Variants in CFH observed in about 807,000 individuals in gnomAD.
CFH encodes the protein H factor 1 (complement).
A neutral mutation model predicts 147.3 loss-of-function variants in CFH; 53 were observed. The observed-to-expected ratio is 0.36, with a 90% CI of 0.29 to 0.45. CFH has a LOEUF of 0.45. Ranked by LOEUF, CFH falls within the 20% of genes least tolerant of loss-of-function variation. The pLI is 1.00. For synonymous variants in CFH, 536 were observed against 489.4 expected (o/e 1.10, Z -1.26); for missense variants, 1,380 against 1,498.0 (o/e 0.92, Z 1.30).
chr1:196,693,995 A>G (rs1017070977), intron 9 of CFH, among the ~76,000 whole-genome samples: 23 of 97,540 alleles, frequency 2.4e-4, no homozygotes, highest in African/African-American at 1.1e-3. Flanking sequence ...TGTGTGTTTT[A>G]TTATTATTAT....
rs35759609 is a variant in CFH, at chr1:196,717,113, A to G, written c.1696+1344A>G. 3.9e-3 allele frequency among the ~76,000 whole-genome samples: 601 copies of G among 152,168 alleles called. 3 individuals are homozygous for G. The highest frequency in any genetic ancestry group is 0.014 in the African/African-American group (582 of 41,534). On this transcript the variant is annotated intron_variant, in intron 11 of 21. Coordinates refer to ENST00000367429, the MANE Select transcript of CFH (RefSeq NM_000186.4). ...AGAGAAACAGGAGAAAAAATCTAGA[A>G]TGTTGCCATAGACATAAAAATAAGG...
At chr1:196,714,664 TATATAG>T (rs1668816138) in intron 10 of CFH, among the ~76,000 whole-genome samples, 12 of 31,798 alleles carry the variant, frequency 3.8e-4, no homozygotes, top group African/African-American at 1.4e-3. Context: ...TATATATATA[TATATAG>T]AGAGAGAGAG....
chr1:196,652,755 T>C (rs16840379), intron 1 of CFH, among the ~76,000 whole-genome samples: 7,031 of 151,892 alleles, frequency 0.046, 459 homozygotes, highest in African/African-American at 0.14. Context: ...AGTTAAGTTG[T>C]TCAATAGAGA....
intron 11 of CFH, among the ~76,000 whole-genome samples, chr1:196,719,193 C>G (rs1173076528): frequency 6.6e-6 from 1 of 151,930 alleles, no homozygotes; most frequent in Non-Finnish European, 1.5e-5. Context: ...ACATTCTTCT[C>G]TAAATCACGT....
chr1:196,695,751 T>A (rs1668240422), intron 9 of CFH, among the ~76,000 whole-genome samples: 1 of 152,156 alleles, frequency 6.6e-6, no homozygotes, highest in South Asian at 2.1e-4. Flanking sequence ...TCTACGTATT[T>A]TATTTTCTTT....
At chr1:196,710,604 A>G (rs1369206350) in intron 9 of CFH, among the ~76,000 whole-genome samples, 2 of 152,026 alleles carry the variant, frequency 1.3e-5, no homozygotes, top group Non-Finnish European at 2.9e-5. Context: ...ACCTTTCCAT[A>G]TGACTTTAGA....
chr1:196,737,182 T>C (rs1162651639), intron 16 of CFH, among the ~76,000 whole-genome samples, 176 bp downstream of exon 16: 1 of 152,124 alleles, frequency 6.6e-6, no homozygotes, highest in Non-Finnish European at 1.5e-5. Context: ...TTGAACAAAA[T>C]ACAGCCAAAA....
chr1:196,736,190 A>G (rs1468201653), intron 15 of CFH, among the ~76,000 whole-genome samples: 1 of 152,122 alleles, frequency 6.6e-6, no homozygotes, highest in Non-Finnish European at 1.5e-5. Context: ...GCAATGCATT[A>G]AACTGGGTGC....
At chr1:196,675,489 A>G (rs931755414) in intron 3 of CFH, among the ~76,000 whole-genome samples, 3 of 152,128 alleles carry the variant, frequency 2.0e-5, no homozygotes, top group Non-Finnish European at 2.9e-5. Context: ...ATCATGGAGG[A>G]CAGAAATACG....
intron 6 of CFH, among the ~76,000 whole-genome samples, chr1:196,681,034 G>A (rs561708694): frequency 2.0e-5 from 3 of 151,910 alleles, no homozygotes; most frequent in South Asian, 2.1e-4. Flanking sequence ...CATGGCATTC[G>A]TAGTTCCTAA....
chr1:196,667,726 CT>C, intron 1 of CFH, among the ~76,000 whole-genome samples: 1 of 152,146 alleles, frequency 6.6e-6, no homozygotes, highest in African/African-American at 2.4e-5. Flanking sequence ...CATATTGCTA[CT>C]TACTTTTGCC....
chr1:196,723,453 C>A (rs747751333), intron 11 of CFH, among the ~76,000 whole-genome samples: 1 of 152,116 alleles, frequency 6.6e-6, no homozygotes, highest in African/African-American at 2.4e-5. Context: ...TGGAGGACTA[C>A]GCAGAAAACT....
chr1:196,676,376 C>T (rs1022837092), intron 4 of CFH, among the ~76,000 whole-genome samples: 7 of 151,754 alleles, frequency 4.6e-5, no homozygotes, highest in Non-Finnish European at 7.4e-5. Flanking sequence ...AAATAAAGAC[C>T]AGAATTTTGC....
chr1:196,686,326 C>G (rs1446890651), intron 7 of CFH, among the ~76,000 whole-genome samples: 1 of 152,054 alleles, frequency 6.6e-6, no homozygotes, highest in Admixed American at 6.6e-5. Context: ...AGAAATTAGG[C>G]ACCACTATTT....
At chr1:196,701,408 C>T in intron 9 of CFH, 1 of 1,608,718 alleles carries the variant, frequency 6.2e-7, no homozygotes, top group South Asian at 1.1e-5. Flanking sequence ...AAGTTTGAGT[C>T]TTGCCAGGTC....
chr1:196,658,299 G>A (rs1558148577), intron 1 of CFH, among the ~76,000 whole-genome samples: 2 of 151,758 alleles, frequency 1.3e-5, no homozygotes, highest in Non-Finnish European at 2.9e-5. Context: ...CCAGGCTGCA[G>A]CGTACTGGTG....
chr1:196,743,074 CTATT>C (rs1421718798), intron 19 of CFH, among the ~76,000 whole-genome samples: 2 of 152,080 alleles, frequency 1.3e-5, no homozygotes, highest in African/African-American at 2.4e-5. Flanking sequence ...ATCACATAAT[CTATT>C]TATGCTGACT....
intron 11 of CFH, 82 bp from the exon 12 acceptor site, chr1:196,725,039 T>A: frequency 8.3e-7 from 1 of 1,198,800 alleles, no homozygotes; most frequent in Non-Finnish European, 1.2e-6. Flanking sequence ...AATATCAACC[T>A]CACTTTATTG....
intron 1 of CFH, among the ~76,000 whole-genome samples, chr1:196,654,198 T>C (rs1455556392): frequency 6.6e-6 from 1 of 152,162 alleles, no homozygotes; most frequent in Non-Finnish European, 1.5e-5. Context: ...ACTATCACAA[T>C]CTGCTTTATT....
Sources: gnomAD v4.1 joint callset for allele counts (sites outside exome capture counted in the v4.1 genomes callset) on GRCh38, gnomAD v4.1.1 for gene constraint, MANE v1.5 for transcripts, NCBI Gene and HGNC (gene_info 2026-07-23, HGNC 2026-07-21) for gene names.